The following ATP2B2 variants were observed in gnomAD, a reference collection of about 807,000 sequenced individuals.
The protein encoded by ATP2B2 is plasma membrane calcium-transporting ATPase 2.
ATP2B2 carries 15 observed loss-of-function variants against 120.0 expected under a neutral mutation model. That is an observed-to-expected ratio of 0.12 (90% confidence interval 0.08 to 0.19). The LOEUF (loss-of-function observed/expected upper bound fraction) is 0.19, where lower values mean the gene tolerates loss of function less well. Ranked by LOEUF, ATP2B2 falls within the 10% of genes least tolerant of loss-of-function variation. The probability of loss-of-function intolerance (pLI) is 1.00; values close to 1 mark genes in which losing one functional copy is unlikely to be tolerated. For synonymous variants in ATP2B2, 694 were observed against 700.3 expected, an observed-to-expected ratio of 0.99 and a Z score of 0.14; for missense variants, 1,045 against 1,719.8, an observed-to-expected ratio of 0.61 and a Z score of 6.94.
At chr3:10,706,869 CCTCT>C (rs979178350) in intron 1 of ATP2B2, among the ~76,000 whole-genome samples, 2 of 152,174 alleles carry the variant, frequency 1.3e-5, no homozygotes, top group African/African-American at 4.8e-5. Context: ...AAACAGCAGT[CCTCT>C]CCATCCACTC....
chr3:10,560,383 T>C (rs778465783), intron 2 of ATP2B2, among the ~76,000 whole-genome samples: 6 of 152,192 alleles, frequency 3.9e-5, no homozygotes, highest in Admixed American at 6.5e-5. Flanking sequence ...GGTACCTCAC[T>C]GAGGCTCTCA....
At chr3:10,608,172 T>C (rs2069136372) in intron 2 of ATP2B2, among the ~76,000 whole-genome samples, 1 of 152,186 alleles carries the variant, frequency 6.6e-6, no homozygotes, top group Admixed American at 6.5e-5. Context: ...AGTCATAGCT[T>C]TCTTCTCTGG....
intron 5 of ATP2B2, among the ~76,000 whole-genome samples, chr3:10,394,850 C>T (rs1444994644): frequency 6.6e-6 from 1 of 152,004 alleles, no homozygotes; most frequent in Non-Finnish European, 1.5e-5. Context: ...TTTTTGAAGA[C>T]AGCCCCGCCA....
At chr3:10,455,787 T>C (rs2064233769) in intron 1 of ATP2B2, among the ~76,000 whole-genome samples, 1 of 151,184 alleles carries the variant, frequency 6.6e-6, no homozygotes, top group Non-Finnish European at 1.5e-5. Flanking sequence ...AGTGAGAATC[T>C]CCTCCTTGTT....
chr3:10,699,221 A>G (rs2071782680), intron 1 of ATP2B2, among the ~76,000 whole-genome samples: 1 of 152,234 alleles, frequency 6.6e-6, no homozygotes, highest in Admixed American at 6.5e-5. Context: ...CTAGGAATTC[A>G]TCCTCAGAAG....
At chr3:10,506,435 G>A (rs1193446349), upstream of ATP2B2, among the ~76,000 whole-genome samples, 2 of 152,150 alleles carry the variant, frequency 1.3e-5, no homozygotes, top group Non-Finnish European at 2.9e-5. Flanking sequence ...ACACTTCCAC[G>A]GGAACCCAGG....
At chr3:10,372,982 T>C (rs1157037904) in intron 11 of ATP2B2, among the ~76,000 whole-genome samples, 1 of 152,238 alleles carries the variant, frequency 6.6e-6, no homozygotes, top group Non-Finnish European at 1.5e-5. Context: ...CTCCTCATTA[T>C]AACTCTTTAT....
At chr3:10,425,429 G>A (rs2063117759) in intron 2 of ATP2B2, among the ~76,000 whole-genome samples, 1 of 152,152 alleles carries the variant, frequency 6.6e-6, no homozygotes, top group Admixed American at 6.5e-5. Context: ...TGGATGAAGT[G>A]GATTTGGGGA....
chr3:10,439,531 T>C (rs1201319998), intron 2 of ATP2B2, among the ~76,000 whole-genome samples: 1 of 152,200 alleles, frequency 6.6e-6, no homozygotes, highest in Non-Finnish European at 1.5e-5. Context: ...GTGTGGCCCC[T>C]GGAAGCCAGA....
intron 1 of ATP2B2, among the ~76,000 whole-genome samples, chr3:10,672,367 C>G (rs2071123659): frequency 1.3e-5 from 2 of 152,172 alleles, no homozygotes; most frequent in South Asian, 4.1e-4. Context: ...GTTCTAATGA[C>G]ATGGAGGGAC....
chr3:10,560,784 T>C (rs2067886793), intron 2 of ATP2B2, among the ~76,000 whole-genome samples: 1 of 152,104 alleles, frequency 6.6e-6, no homozygotes, highest in African/African-American at 2.4e-5. Context: ...CATTGTAGCT[T>C]ACATCCATTG....
chr3:10,345,457 T>C lies in ATP2B2; in HGVS notation c.2630A>G (p.Lys877Arg). 1 of 1,614,128 alleles carries C rather than the reference T, an allele frequency of 6.2e-7. No homozygotes were observed. Among genetic ancestry groups the C allele is most frequent in the Non-Finnish European group, 8.5e-7 (1 of 1,180,008 alleles). The change falls in exon 18 of 23, where the codon AAA becomes AGA. Residue 877 changes from lysine (K) to arginine (R), a missense_variant. Transcript: ENST00000360273. ...GACGGTGAGCTGGAACTGCAAGAAT[T>C]TGGAGATGCTGTCATAGACGTTGCG... ...WGRNVYDSIS[K>R]FLQFQLTVNV...
intron 22 of ATP2B2, among the ~76,000 whole-genome samples, chr3:10,332,911 A>G (rs1221206588): frequency 6.6e-6 from 1 of 152,174 alleles, no homozygotes; most frequent in Non-Finnish European, 1.5e-5. Context: ...GTATAAGGCA[A>G]TAGGGACGTG....
intron 1 of ATP2B2, among the ~76,000 whole-genome samples, chr3:10,482,136 C>A (rs2065439200): frequency 6.6e-6 from 1 of 152,198 alleles, no homozygotes; most frequent in Non-Finnish European, 1.5e-5. Context: ...GCGGTAGGTG[C>A]TTAATGTCTA....
intron 2 of ATP2B2, among the ~76,000 whole-genome samples, chr3:10,539,876 A>G (rs902541553): frequency 7.9e-5 from 12 of 152,262 alleles, no homozygotes; most frequent in Non-Finnish European, 1.6e-4. Flanking sequence ...ATGGGATCTA[A>G]TTAAACTAAA....
intron 2 of ATP2B2, among the ~76,000 whole-genome samples, chr3:10,538,749 A>G (rs990762425): frequency 1.2e-4 from 18 of 152,234 alleles, no homozygotes; most frequent in African/African-American, 3.9e-4. Flanking sequence ...GCTATTTATG[A>G]CCAACCCACA....
chr3:10,575,645 AG>A (rs1477728621), intron 2 of ATP2B2, among the ~76,000 whole-genome samples: 1 of 152,194 alleles, frequency 6.6e-6, no homozygotes, highest in Admixed American at 6.5e-5. Context: ...CATGCATGCT[AG>A]GTTATGTCTG....
intron 1 of ATP2B2, among the ~76,000 whole-genome samples, chr3:10,669,146 G>A (rs1203022332): frequency 6.6e-6 from 1 of 152,192 alleles, no homozygotes; most frequent in Non-Finnish European, 1.5e-5. Context: ...AGAAACCAGG[G>A]TTTGGGGATA....
chr3:10,531,863 G>T (rs1020331018), intron 3 of ATP2B2, among the ~76,000 whole-genome samples: 3 of 152,080 alleles, frequency 2.0e-5, no homozygotes, highest in Admixed American at 1.3e-4. Flanking sequence ...TGGCCATCAG[G>T]TCAGGTCCTC....
Sources: gnomAD v4.1 joint callset for allele counts (sites outside exome capture counted in the v4.1 genomes callset) on GRCh38, gnomAD v4.1.1 for gene constraint, MANE v1.5 for transcripts, NCBI Gene and HGNC (gene_info 2026-07-23, HGNC 2026-07-21) for gene names.